The following ADAMTS2 variants were observed in gnomAD, a reference collection of about 807,000 sequenced individuals.
ADAMTS2 encodes the protein A disintegrin and metalloproteinase with thrombospondin motifs 2.
Under a neutral mutation model 123.0 loss-of-function variants are expected in ADAMTS2, and 50 were observed. That is an observed-to-expected ratio of 0.41 (90% CI 0.32 to 0.51). The LOEUF is 0.51. ADAMTS2 is among the 20% of genes least tolerant of loss of function. ADAMTS2 has a pLI of 0.35. For synonymous variants in ADAMTS2, 678 were observed against 695.4 expected (o/e 0.98, Z 0.39); for missense variants, 1,494 against 1,705.2 (o/e 0.88, Z 2.18).
rs551788982 is a variant in ADAMTS2, at chr5:179,329,917, G to A, written c.534+13850C>T. The stretch of plus-strand genomic sequence containing the variant: ...CGAGGCGGGTGGATCATGAGGTCAG[G>A]AGATCGAGACCATCCTGGCTAACAA... On this transcript the variant is annotated intron_variant, in intron 2 of 21. Coordinates refer to ENST00000251582, the MANE Select transcript of ADAMTS2 (RefSeq NM_014244.5). Among the ~76,000 whole-genome samples the A allele has an allele frequency of 5.9e-5, 9 of 151,990 alleles. No individual in the cohort carries two copies. The East Asian group carries it at 1.6e-3, about 26-fold the overall frequency.
intron 2 of ADAMTS2, among the ~76,000 whole-genome samples, chr5:179,329,136 G>A (rs919748981): frequency 1.1e-4 from 16 of 152,074 alleles, no homozygotes; most frequent in East Asian, 9.7e-4. Flanking sequence ...GACCATCCTG[G>A]CTAACACGGT....
intron 2 of ADAMTS2, among the ~76,000 whole-genome samples, chr5:179,300,111 A>AAAG (rs1561708831): frequency 6.6e-6 from 1 of 151,562 alleles, no homozygotes; most frequent in Non-Finnish European, 1.5e-5. Context: ...AAAAAAAAAA[A>AAAG]AAGAAGAATC....
rs142417049 is a variant in ADAMTS2 at position 179,280,651 on chromosome 5, C to A, written c.535-7587G>T. Among the ~76,000 whole-genome samples the A allele has an allele frequency of 3.0e-4, 45 of 152,224 alleles. 1 individual carries two copies. The East Asian group carries it at 8.3e-3, about 28-fold the overall frequency. The stretch of plus-strand genomic sequence containing the variant: ...GTCCCAGCAGCCGTCTGTCCCTGGG[C>A]GCACCCCCAGTGTCTTCCTCTCTCT... On this transcript the variant is annotated intron_variant, in intron 2 of 21. Coordinates refer to ENST00000251582, the MANE Select transcript of ADAMTS2 (RefSeq NM_014244.5).
intron 2 of ADAMTS2, among the ~76,000 whole-genome samples, chr5:179,340,766 T>G (rs1198901504): frequency 6.6e-6 from 1 of 152,112 alleles, no homozygotes; most frequent in Non-Finnish European, 1.5e-5. Context: ...CACACAATGT[T>G]AATAGGAACA....
intron 2 of ADAMTS2, among the ~76,000 whole-genome samples, chr5:179,282,243 A>G (rs55806213): frequency 1.3e-5 from 2 of 152,190 alleles, no homozygotes; most frequent in Non-Finnish European, 2.9e-5. Flanking sequence ...TTACTCCTAC[A>G]TTATTTAAGA....
chr5:179,315,038 A>ACC (rs372515045), intron 2 of ADAMTS2, among the ~76,000 whole-genome samples: 23 of 95,944 alleles, frequency 2.4e-4, no homozygotes, highest in African/African-American at 5.3e-4. Flanking sequence ...TCCTACACCC[A>ACC]CCCCCCCCAC....
At chr5:179,123,666 C>T (rs1483239906) in intron 19 of ADAMTS2, among the ~76,000 whole-genome samples, 3 of 152,198 alleles carry the variant, frequency 2.0e-5, no homozygotes, top group East Asian at 3.9e-4. Context: ...TGAGTTCAGG[C>T]GATCCACCCG....
At chr5:179,266,140 C>A (rs913595644) in intron 3 of ADAMTS2, among the ~76,000 whole-genome samples, 1 of 152,176 alleles carries the variant, frequency 6.6e-6, no homozygotes, top group Non-Finnish European at 1.5e-5. Flanking sequence ...CAGGGCTCAC[C>A]CTGCAAATCC....
chr5:179,326,859 G>A (rs1466533169), intron 2 of ADAMTS2, among the ~76,000 whole-genome samples: 1 of 152,062 alleles, frequency 6.6e-6, no homozygotes, highest in Non-Finnish European at 1.5e-5. Context: ...CTGAAGTCAT[G>A]GGAAGGAGAG....
At chr5:179,283,317 TCAGA>T (rs1470250854) in intron 2 of ADAMTS2, among the ~76,000 whole-genome samples, 8 of 151,820 alleles carry the variant, frequency 5.3e-5, no homozygotes, top group South Asian at 4.2e-4. Flanking sequence ...CCCACAACAA[TCAGA>T]CAAAGAGTAG....
rs149275286 is a variant in ADAMTS2 at position 179,139,788 on chromosome 5, G to C, written c.1775+102C>G. 3.0e-4 allele frequency: 469 copies of C among 1,543,550 alleles called. 3 individuals carry two copies. The African/African-American group carries it at 6.0e-3, about 20-fold the overall frequency. Reference sequence around the variant, plus strand: ...CCTGCCCTGCACCTCTCCAGAACTGGTGTGCAGCCACAGGGCCCTCCAGGA... The same window carrying C: ...CCTGCCCTGCACCTCTCCAGAACTGCTGTGCAGCCACAGGGCCCTCCAGGA... On this transcript the variant is annotated intron_variant, in intron 11 of 21. Coordinates refer to ENST00000251582, the MANE Select transcript of ADAMTS2 (RefSeq NM_014244.5).
chr5:179,192,653 G>A lies in ADAMTS2; in HGVS notation c.892-11498C>T, dbSNP rs571583946. Among the ~76,000 whole-genome samples the A allele has an allele frequency of 9.2e-5, 14 of 152,340 alleles. No homozygotes were observed. The East Asian group carries it at 9.7e-4, about 11-fold the overall frequency. On this transcript the variant is annotated intron_variant, in intron 4 of 21. Transcript: ENST00000251582. ...CCCCAGGCCAGGCTCCCTGCCAGGCGCGGGTGGGAGGTCTTGCAGGCTGCA... is the reference window on the plus strand; with the variant it reads ...CCCCAGGCCAGGCTCCCTGCCAGGCACGGGTGGGAGGTCTTGCAGGCTGCA...
chr5:179,239,065 C>T (rs469229), intron 3 of ADAMTS2, among the ~76,000 whole-genome samples: 22,750 of 152,142 alleles, frequency 0.15, 2,325 homozygotes, highest in Non-Finnish European at 0.21. Flanking sequence ...TTGAATCGTA[C>T]ACTTTAAATG....
At position 179,132,517 on chromosome 5, in the gene ADAMTS2, G is replaced by A. The variant is rs1216866077; in HGVS notation, c.2210-207C>T. 6.6e-6 allele frequency among the ~76,000 whole-genome samples: 1 copy of A among 152,112 alleles called. No individual in the cohort carries two copies. The highest frequency in any genetic ancestry group is 1.9e-4 in the East Asian group (1 of 5,176). ...GGCTAGTCTTTAAGGCCCAACCCGGGCATCCTCATATACTGGCATTCTCCA... is the reference window on the plus strand; with the variant it reads ...GGCTAGTCTTTAAGGCCCAACCCGGACATCCTCATATACTGGCATTCTCCA... On this transcript the variant is annotated intron_variant, in intron 14 of 21. Coordinates refer to ENST00000251582, the MANE Select transcript of ADAMTS2 (RefSeq NM_014244.5). This position sits in a 1 kb window ranked among gnomAD's most constrained non-coding sequence, Gnocchi z 6.1.
At chr5:179,279,621 C>G (rs959927107) in intron 2 of ADAMTS2, among the ~76,000 whole-genome samples, 2 of 152,222 alleles carry the variant, frequency 1.3e-5, no homozygotes, top group African/African-American at 4.8e-5. Context: ...TCTCCCAGCT[C>G]CCCAGGGAGG....
intron 10 of ADAMTS2, among the ~76,000 whole-genome samples, chr5:179,149,873 C>G (rs967890000): frequency 2.0e-5 from 3 of 152,148 alleles, no homozygotes; most frequent in Non-Finnish European, 2.9e-5. Context: ...GCCCCTCAGT[C>G]AGCACAACTA....
Position 179,111,356 on chromosome 5 carries a change from G to T in ADAMTS2, c.*2511C>A, listed in dbSNP as rs1265598763. On this transcript the variant is annotated 3_prime_UTR_variant, in exon 22 of 22. Coordinates refer to ENST00000251582, the MANE Select transcript of ADAMTS2 (RefSeq NM_014244.5). The stretch of plus-strand genomic sequence containing the variant: ...GATGCAGAAGAAGCTGGCTTGCGAA[G>T]ATCAGGACTGTTACTAAGCCGGTTC... 6 of 152,262 alleles carry T rather than the reference G, an allele frequency of 3.9e-5. No homozygotes were observed. The highest frequency in any genetic ancestry group is 7.3e-5 in the Non-Finnish European group (5 of 68,056). The allele number at this position is 152,262 out of a possible 1,614,324, so 9.4% of individuals were successfully genotyped here.
intron 2 of ADAMTS2, among the ~76,000 whole-genome samples, chr5:179,286,710 AGCCATC>A (rs1756031317): frequency 6.6e-6 from 1 of 152,178 alleles, no homozygotes; most frequent in Non-Finnish European, 1.5e-5. Context: ...TTGCTCGGGC[AGCCATC>A]ACAGGGCAGC....
intron 4 of ADAMTS2, among the ~76,000 whole-genome samples, chr5:179,204,698 T>C (rs3797612): frequency 0.53 from 80,914 of 152,158 alleles, 22,757 homozygotes; most frequent in African/African-American, 0.7. Flanking sequence ...GTCAGGGCAA[T>C]GCCATGCTCC....
Sources: gnomAD v4.1 joint callset for allele counts (sites outside exome capture counted in the v4.1 genomes callset) on GRCh38, gnomAD v4.1.1 for gene constraint, Gnocchi (gnomAD v3.1) non-coding constraint, MANE v1.5 for transcripts, NCBI Gene and HGNC (gene_info 2026-07-23, HGNC 2026-07-21) for gene names.